KDM4B: variants seen among roughly 807,000 people sequenced by gnomAD.
The protein encoded by KDM4B is lysine-specific demethylase 4B.
KDM4B carries 32 observed loss-of-function variants against 125.2 expected under a neutral mutation model. The ratio of observed to expected loss-of-function variants is 0.26; its 90% CI spans 0.19 to 0.34. KDM4B has a LOEUF of 0.34. KDM4B is among the 10% of genes least tolerant of loss of function. The pLI is 1.00. For synonymous variants in KDM4B, 721 were observed against 677.9 expected, an observed-to-expected ratio of 1.06 and a Z score of -0.99; for missense variants, 1,190 against 1,577.7, an observed-to-expected ratio of 0.75 and a Z score of 4.16.
At chr19:5,099,714 C>A (rs1373988534) in intron 9 of KDM4B, among the ~76,000 whole-genome samples, 1 of 152,212 alleles carries the variant, frequency 6.6e-6, no homozygotes, top group Non-Finnish European at 1.5e-5. Context: ...GTGGCACCCT[C>A]ATGGAGGAGA....
At chr19:5,150,250 C>A in intron 21 of KDM4B, 108 bp from the exon 22 acceptor site, 1 of 783,898 alleles carries the variant, frequency 1.3e-6, no homozygotes, top group Non-Finnish European at 2.1e-6. Context: ...CTCTAGCGGG[C>A]CCCATGCACC....
At chr19:5,012,728 C>T (rs1409396401) in intron 1 of KDM4B, among the ~76,000 whole-genome samples, 1 of 152,212 alleles carries the variant, frequency 6.6e-6, no homozygotes, top group Non-Finnish European at 1.5e-5. Context: ...TCATCACATC[C>T]CGGTGAGCGT....
At chr19:5,134,580 C>T (rs139229109) in intron 14 of KDM4B, among the ~76,000 whole-genome samples, 4 of 152,326 alleles carry the variant, frequency 2.6e-5, no homozygotes, top group East Asian at 3.9e-4. Context: ...CCAGCCCAGC[C>T]GTTTTCCTCG....
At chr19:5,077,661 G>A (rs2038161584) in intron 8 of KDM4B, 191 bp downstream of exon 8, 1 of 570,150 alleles carries the variant, frequency 1.8e-6, no homozygotes. Context: ...AGCGAAGATG[G>A]CAGAGCTTGA....
At chr19:5,100,869 TGTA>T (rs2038917507) in intron 9 of KDM4B, among the ~76,000 whole-genome samples, 2 of 152,236 alleles carry the variant, frequency 1.3e-5, no homozygotes, top group South Asian at 4.1e-4. Flanking sequence ...TCTTTCATGA[TGTA>T]GTATCTTTTA....
chr19:5,033,601 C>A (rs940830832), intron 3 of KDM4B, among the ~76,000 whole-genome samples: 1 of 152,088 alleles, frequency 6.6e-6, no homozygotes, highest in Non-Finnish European at 1.5e-5. Flanking sequence ...CAGACCACAC[C>A]AGAAACAATC....
chr19:5,147,930 T>C (rs1449920417), intron 21 of KDM4B, among the ~76,000 whole-genome samples: 2 of 151,752 alleles, frequency 1.3e-5, no homozygotes, highest in Non-Finnish European at 2.9e-5. Context: ...GCCAAGGAGA[T>C]GGGGCTGGAG....
chr19:5,126,308 C>G (rs145267281), intron 11 of KDM4B, among the ~76,000 whole-genome samples: 5 of 152,028 alleles, frequency 3.3e-5, no homozygotes, highest in Non-Finnish European at 7.4e-5. Flanking sequence ...CGCCCTATTG[C>G]CCAGCGCTAG....
intron 9 of KDM4B, among the ~76,000 whole-genome samples, chr19:5,105,521 C>T (rs985638193): frequency 3.3e-5 from 5 of 152,242 alleles, no homozygotes; most frequent in South Asian, 2.1e-4. Flanking sequence ...CAGCCTTGAC[C>T]GCCTGGGCTC....
chr19:5,138,648 A>G (rs2039690826), intron 18 of KDM4B, among the ~76,000 whole-genome samples: 1 of 152,040 alleles, frequency 6.6e-6, no homozygotes, highest in South Asian at 2.1e-4. Context: ...AGAGCCAGGC[A>G]CTGTCTCAAA....
chr19:4,982,120 G>A (rs2034661976), intron 1 of KDM4B, among the ~76,000 whole-genome samples: 1 of 151,140 alleles, frequency 6.6e-6, no homozygotes, highest in Non-Finnish European at 1.5e-5. Context: ...GCAAAACCCC[G>A]TCTCTACTAA....
At position 5,041,265 on chromosome 19, in the gene KDM4B, T is replaced by C. The variant is rs746469495; in HGVS notation, c.432+14T>C. 6.3e-7 allele frequency: 1 copy of C among 1,595,620 alleles called. No homozygotes were observed. The highest frequency in any genetic ancestry group is 1.1e-5 in the South Asian group (1 of 90,636). On this transcript the variant is annotated intron_variant, in intron 5 of 22. Transcript: ENST00000159111. ...TTGTATGATGACGTAAGTATGAGGCTCCGGGGAAGAACAGGGACCAGCTTC... is the reference window on the plus strand; with the variant it reads ...TTGTATGATGACGTAAGTATGAGGCCCCGGGGAAGAACAGGGACCAGCTTC...
At chr19:5,040,935 G>A (rs1391162925) in intron 4 of KDM4B, among the ~76,000 whole-genome samples, 1 of 152,244 alleles carries the variant, frequency 6.6e-6, no homozygotes, top group African/African-American at 2.4e-5. Flanking sequence ...AGGGGTACGT[G>A]GGTTTGGGCC....
At chr19:5,001,689 T>C (rs2035391733) in intron 1 of KDM4B, among the ~76,000 whole-genome samples, 1 of 150,998 alleles carries the variant, frequency 6.6e-6, no homozygotes, top group Non-Finnish European at 1.5e-5. Flanking sequence ...CCGCCAGCTG[T>C]GTCGTCTGGG....
At chr19:5,034,990 T>A (rs190550572) in intron 3 of KDM4B, among the ~76,000 whole-genome samples, 8 of 152,250 alleles carry the variant, frequency 5.3e-5, no homozygotes, top group Non-Finnish European at 8.8e-5. Context: ...CCAAGCTGGA[T>A]TTTTGATTGT....
chr19:5,004,656 C>T (rs1160366556), intron 1 of KDM4B, among the ~76,000 whole-genome samples: 4 of 152,180 alleles, frequency 2.6e-5, no homozygotes, highest in African/African-American at 4.8e-5. Flanking sequence ...AGATGCACCA[C>T]GGCTCTGTGC....
At chr19:5,101,462 G>T (rs1369629828) in intron 9 of KDM4B, among the ~76,000 whole-genome samples, 1 of 151,566 alleles carries the variant, frequency 6.6e-6, no homozygotes, top group Non-Finnish European at 1.5e-5. Flanking sequence ...CTTCGGGGTC[G>T]GCAGTGAGCT....
Position 5,130,950 on chromosome 19 carries a change from G to T in KDM4B, c.1316-126G>T, listed in dbSNP as rs964707850. On this transcript the variant is annotated intron_variant, in intron 11 of 22. Transcript: ENST00000159111. ...CTGTGTTCTCTGCCCACCCATGTTC[G>T]TGTGGCCTCTCTGGGTGGAAGGAGC... 13 of 693,234 alleles carry T rather than the reference G, an allele frequency of 1.9e-5. No individual in the cohort carries two copies. The African/African-American group carries it at 2.3e-4, about 12-fold the overall frequency. 42.9% of individuals were successfully genotyped at this position (693,234 alleles called of 1,614,324 possible).
chr19:5,018,446 G>C (rs1276805952), intron 2 of KDM4B, among the ~76,000 whole-genome samples: 1 of 152,182 alleles, frequency 6.6e-6, no homozygotes, highest in Non-Finnish European at 1.5e-5. Context: ...AAGGGAGCAG[G>C]GCTCCTGCTT....
Sources: gnomAD v4.1 joint callset for allele counts (sites outside exome capture counted in the v4.1 genomes callset) on GRCh38, gnomAD v4.1.1 for gene constraint, MANE v1.5 for transcripts, NCBI Gene and HGNC (gene_info 2026-07-23, HGNC 2026-07-21) for gene names.